The following CEP83 variants were observed in gnomAD, a reference collection of about 807,000 sequenced individuals.
CEP83 encodes centrosomal protein of 83 kDa.
A neutral mutation model predicts 101.9 loss-of-function variants in CEP83; 70 were observed. That is an observed-to-expected ratio of 0.69 (90% CI 0.57 to 0.84). The LOEUF is 0.84. CEP83 is among the 40% of genes least tolerant of loss of function. The probability of loss-of-function intolerance (pLI) is 0.00; values close to 1 mark genes in which losing one functional copy is unlikely to be tolerated. For synonymous variants in CEP83, 264 were observed against 267.9 expected, an observed-to-expected ratio of 0.99 and a Z score of 0.14; for missense variants, 715 against 787.2, an observed-to-expected ratio of 0.91 and a Z score of 1.10.
intron 2 of CEP83, among the ~76,000 whole-genome samples, chr12:94,423,103 A>G (rs2064894582): frequency 6.7e-6 from 1 of 149,694 alleles, no homozygotes. Flanking sequence ...TTTTTTTCTG[A>G]GATGGAGTTT....
At chr12:94,419,149 A>AAG (rs1219742704) in intron 2 of CEP83, among the ~76,000 whole-genome samples, 1 of 152,152 alleles carries the variant, frequency 6.6e-6, no homozygotes, top group Non-Finnish European at 1.5e-5. Flanking sequence ...GCAAGTTAGC[A>AAG]AGATTGGCAG....
At chr12:94,443,165 C>CTA (rs2066538388) in intron 1 of CEP83, among the ~76,000 whole-genome samples, 2 of 152,126 alleles carry the variant, frequency 1.3e-5, no homozygotes, top group Admixed American at 6.5e-5. Flanking sequence ...TTTTGCTGCC[C>CTA]CACAGGACCC....
chr12:94,349,806 A>G (rs1182047423), intron 11 of CEP83, among the ~76,000 whole-genome samples: 1 of 152,234 alleles, frequency 6.6e-6, no homozygotes, highest in Non-Finnish European at 1.5e-5. Flanking sequence ...AATTCAGCAA[A>G]GTAGCTGAAT....
chr12:94,382,852 G>A (rs1294171522), intron 6 of CEP83, among the ~76,000 whole-genome samples: 5 of 152,090 alleles, frequency 3.3e-5, no homozygotes, highest in African/African-American at 1.2e-4. Context: ...TTCTCCTTGG[G>A]TGGCATGTTT....
chr12:94,391,340 A>C (rs1291549563), intron 6 of CEP83, among the ~76,000 whole-genome samples: 2 of 152,234 alleles, frequency 1.3e-5, no homozygotes, highest in African/African-American at 2.4e-5. Context: ...CTTATAGAAA[A>C]GAATTTTCCA....
chr12:94,354,636 GAAGAACTCTGA>G (rs1313786458), intron 11 of CEP83, among the ~76,000 whole-genome samples: 1 of 152,050 alleles, frequency 6.6e-6, no homozygotes, highest in African/African-American at 2.4e-5. Context: ...TCAGTAACAA[GAAGAACTCTGA>G]AAGGTGTACA....
At chr12:94,449,776 C>CAAA (rs1566244469) in intron 1 of CEP83, among the ~76,000 whole-genome samples, 1 of 4,668 alleles carries the variant, frequency 2.1e-4, no homozygotes, top group Non-Finnish European at 4.3e-4. Context: ...CTGTCTCAAA[C>CAAA]AATAAAAAAA....
the CEP83 span, among the ~76,000 whole-genome samples, chr12:94,292,163 A>G: frequency 6.6e-6 from 1 of 152,188 alleles, no homozygotes; most frequent in Non-Finnish European, 1.5e-5. Context: ...CATGTCACAG[A>G]CCTTATACTG....
chr12:94,333,499 C>T lies in CEP83; in HGVS notation c.1560G>A (p.Ala520=), dbSNP rs375761489. Residue 520 remains alanine (A), a synonymous_variant, in exon 13 of 17, where the codon GCG becomes GCA. Coordinates refer to ENST00000397809, the MANE Select transcript of CEP83 (RefSeq NM_016122.3). ...AACTCTACTTTTCAGCTTCTAGTTG[C>T]GCTTTTTCAGCTTGGCTTCTAAAAT... The part of the protein sequence containing the change: ...CRNFRSQAEK[A]QLEAEKTLEE... The T allele has an allele frequency of 3.5e-5, 57 of 1,613,162 alleles. No individual in the cohort carries two copies. Among genetic ancestry groups the T allele is most frequent in the African/African-American group, 3.2e-4 (24 of 74,970 alleles).
At chr12:94,290,870 GT>G in the CEP83 span, among the ~76,000 whole-genome samples, 3 of 152,334 alleles carry the variant, frequency 2.0e-5, no homozygotes, top group East Asian at 3.9e-4. Flanking sequence ...AAGTGACAGG[GT>G]CAGTCCTCCA....
downstream of CEP83, chr12:94,307,450 A>G (rs1969165121): frequency 6.6e-6 from 1 of 152,218 alleles, no homozygotes; most frequent in Admixed American, 6.5e-5. Context: ...CAAATGGCAA[A>G]CAATTTCTAT....
chr12:94,384,105 T>C (rs2062000195), intron 6 of CEP83, among the ~76,000 whole-genome samples: 1 of 152,174 alleles, frequency 6.6e-6, no homozygotes, highest in Non-Finnish European at 1.5e-5. Context: ...TCTTCCTATT[T>C]AGACAAACTT....
intron 2 of CEP83, among the ~76,000 whole-genome samples, chr12:94,423,578 A>T (rs1330144727): frequency 6.6e-6 from 1 of 151,662 alleles, no homozygotes; most frequent in Non-Finnish European, 1.5e-5. Flanking sequence ...GAACATAGAG[A>T]TTTCTTTTTC....
At chr12:94,427,256 C>G (rs779544505) in intron 2 of CEP83, among the ~76,000 whole-genome samples, 2 of 152,108 alleles carry the variant, frequency 1.3e-5, no homozygotes, top group Admixed American at 6.5e-5. Context: ...TTACTAAATA[C>G]AGAAATTCAT....
At chr12:94,381,412 C>T (rs2061841837) in intron 6 of CEP83, among the ~76,000 whole-genome samples, 1 of 152,128 alleles carries the variant, frequency 6.6e-6, no homozygotes, top group African/African-American at 2.4e-5. Context: ...TACAAACTTA[C>T]TTGACAGATA....
chr12:94,442,478 G>A (rs1430629783), intron 1 of CEP83, among the ~76,000 whole-genome samples: 3 of 152,046 alleles, frequency 2.0e-5, no homozygotes. Flanking sequence ...AGTTATCCAT[G>A]TAACCAAACA....
intron 11 of CEP83, among the ~76,000 whole-genome samples, chr12:94,363,606 A>AT (rs1204068279): frequency 1.3e-5 from 2 of 152,152 alleles, no homozygotes; most frequent in African/African-American, 4.8e-5. Context: ...AAACAAATCG[A>AT]TAAATATAGT....
At chr12:94,460,087 G>A (rs1418582391), upstream of CEP83, 2 of 152,470 alleles carry the variant, frequency 1.3e-5, no homozygotes, top group Non-Finnish European at 2.9e-5. Flanking sequence ...ACGGGTGACA[G>A]CGGCAGCGGC....
the CEP83 span, chr12:94,282,414 C>T: frequency 6.5e-7 from 1 of 1,543,240 alleles, no homozygotes. Flanking sequence ...AAGAGCAAGA[C>T]TTGACCCCGT....
Sources: allele counts gnomAD v4.1 joint callset (sites outside exome capture counted in the v4.1 genomes callset), GRCh38; gene constraint gnomAD v4.1.1; transcripts MANE v1.5; gene names NCBI Gene and HGNC (gene_info 2026-07-23, HGNC 2026-07-21).